Variants in IQCK observed in about 807,000 individuals in gnomAD.
The protein encoded by IQCK is IQ domain-containing protein K.
IQCK carries 29 observed loss-of-function variants against 28.1 expected under a neutral mutation model. That is an observed-to-expected ratio of 1.03 (90% CI 0.77 to 1.41). IQCK has a LOEUF of 1.41. Among genes scored for constraint, IQCK ranks in the 40% most tolerant of loss-of-function variants. The probability of loss-of-function intolerance (pLI) is 0.00; values close to 1 mark genes in which losing one functional copy is unlikely to be tolerated. For missense variants in IQCK, 359 were observed against 314.7 expected, an observed-to-expected ratio of 1.14 and a Z score of -1.07; for synonymous variants, 113 against 115.1, an observed-to-expected ratio of 0.98 and a Z score of 0.12.
intron 4 of IQCK, among the ~76,000 whole-genome samples, chr16:19,749,517 T>G (rs1316466890): frequency 2.0e-5 from 3 of 152,194 alleles, no homozygotes; most frequent in East Asian, 3.8e-4. Flanking sequence ...CTCAGGACTT[T>G]AGGAGGCTGA....
intron 6 of IQCK, among the ~76,000 whole-genome samples, chr16:19,782,899 C>T (rs903524535): frequency 7.9e-5 from 12 of 152,102 alleles, no homozygotes; most frequent in Non-Finnish European, 1.0e-4. Flanking sequence ...CATGTGTATG[C>T]GCACACATGT....
chr16:19,829,514 T>G (rs1406682949), downstream of IQCK, among the ~76,000 whole-genome samples: 1 of 151,996 alleles, frequency 6.6e-6, no homozygotes, highest in African/African-American at 2.4e-5. Flanking sequence ...TTTTCGTTTT[T>G]TTCGTAGAGA....
chr16:19,792,473 A>G (rs2055627135), intron 7 of IQCK, among the ~76,000 whole-genome samples: 1 of 111,518 alleles, frequency 9.0e-6, no homozygotes, highest in African/African-American at 8.6e-5. Flanking sequence ...ACGGATAGGA[A>G]ATTAGCTAAA....
chr16:19,805,212 G>A (rs564678618), intron 7 of IQCK, among the ~76,000 whole-genome samples: 33 of 141,312 alleles, frequency 2.3e-4, no homozygotes, highest in Non-Finnish European at 3.4e-4. Context: ...ATATGGCCCA[G>A]GTGAAGAGAG....
At chr16:19,720,244 T>C (rs560807170) in intron 1 of IQCK, among the ~76,000 whole-genome samples, 47 of 152,216 alleles carry the variant, frequency 3.1e-4, no homozygotes, top group Non-Finnish European at 6.2e-4. Context: ...TCATTTTGCA[T>C]GTTCTCTTTG....
At chr16:19,840,229 A>T (rs932876063) in intron 9 of IQCK, among the ~76,000 whole-genome samples, 3 of 151,900 alleles carry the variant, frequency 2.0e-5, no homozygotes, top group Non-Finnish European at 4.4e-5. Context: ...GGTGGCAGGC[A>T]CCTGTAATCT....
chr16:19,762,739 G>C (rs541424490), intron 4 of IQCK, among the ~76,000 whole-genome samples: 1 of 152,168 alleles, frequency 6.6e-6, no homozygotes, highest in Non-Finnish European at 1.5e-5. Context: ...CTTTGGCCGG[G>C]CACAGTGGCT....
At chr16:19,735,554 C>A in intron 4 of IQCK, 104 bp downstream of exon 4, 1 of 951,262 alleles carries the variant, frequency 1.1e-6, no homozygotes, top group Non-Finnish European at 1.7e-6. Flanking sequence ...CTCCAGATGA[C>A]CCCTTCGGGA....
At chr16:19,757,136 T>C (rs1255556978) in intron 4 of IQCK, among the ~76,000 whole-genome samples, 1 of 152,180 alleles carries the variant, frequency 6.6e-6, no homozygotes, top group African/African-American at 2.4e-5. Flanking sequence ...TTCTATTCCT[T>C]GTAAGCCCAA....
intron 6 of IQCK, among the ~76,000 whole-genome samples, chr16:19,781,366 G>A (rs1597553594): frequency 6.6e-6 from 1 of 152,140 alleles, no homozygotes. Context: ...TGATGGAGTT[G>A]GTTAAATGGG....
intron 7 of IQCK, among the ~76,000 whole-genome samples, chr16:19,809,760 C>T (rs915123378): frequency 6.6e-6 from 1 of 152,158 alleles, no homozygotes; most frequent in Non-Finnish European, 1.5e-5. Flanking sequence ...TCATAATTAT[C>T]CAGAGGGCCT....
At chr16:19,817,708 T>C (rs2056008331) in intron 7 of IQCK, among the ~76,000 whole-genome samples, 1 of 152,218 alleles carries the variant, frequency 6.6e-6, no homozygotes, top group African/African-American at 2.4e-5. Context: ...AAAGGACTTT[T>C]ATTTGCCCCT....
intron 4 of IQCK, among the ~76,000 whole-genome samples, chr16:19,753,078 C>T (rs1003273823): frequency 3.3e-5 from 5 of 152,014 alleles, no homozygotes; most frequent in African/African-American, 1.2e-4. Context: ...GAGAGAGTCT[C>T]TCCCAGAGTT....
chr16:19,836,327 C>CA (rs1300640489), intron 9 of IQCK, among the ~76,000 whole-genome samples: 1 of 152,198 alleles, frequency 6.6e-6, no homozygotes, highest in African/African-American at 2.4e-5. Flanking sequence ...TTTTAGGACT[C>CA]ACCAGTGTCT....
rs949765500 is a variant in IQCK at position 19,814,354 on chromosome 16, G to A, written c.691-12672G>A. ...CGGGAGGAAGAGGTTGCAGTGAGCC[G>A]AGATCGCACCATCGCACTCCAGCCT... On this transcript the variant is annotated intron_variant, in intron 7 of 7. Coordinates refer to ENST00000564186, the Ensembl canonical transcript of IQCK. Among the ~76,000 whole-genome samples, 5 of 151,910 alleles carry A rather than the reference G, an allele frequency of 3.3e-5. No individual in the cohort carries two copies. In the East Asian group the frequency reaches 5.8e-4, roughly 18 times the overall value.
intron 7 of IQCK, among the ~76,000 whole-genome samples, chr16:19,792,763 A>T (rs8051226): frequency 3.6e-5 from 4 of 111,618 alleles, no homozygotes; most frequent in African/African-American, 2.7e-4. Context: ...GTAGAGACGG[A>T]GGGGGGCGTT....
chr16:19,755,030 A>T (rs1226927615), intron 4 of IQCK, among the ~76,000 whole-genome samples: 1 of 152,220 alleles, frequency 6.6e-6, no homozygotes, highest in African/African-American at 2.4e-5. Flanking sequence ...AATGGAAAAA[A>T]AAATGTGAAT....
intron 6 of IQCK, among the ~76,000 whole-genome samples, chr16:19,784,341 G>A (rs2055534057): frequency 6.6e-6 from 1 of 152,028 alleles, no homozygotes; most frequent in Non-Finnish European, 1.5e-5. Context: ...ACTGTTTCCT[G>A]GGCAGTTTGC....
chr16:19,803,969 G>C (rs1365741665), intron 7 of IQCK, among the ~76,000 whole-genome samples: 1 of 152,302 alleles, frequency 6.6e-6, no homozygotes, highest in East Asian at 1.9e-4. Context: ...CAACACAGGA[G>C]ATAGTGTTCT....
Sources: allele counts gnomAD v4.1 joint callset (sites outside exome capture counted in the v4.1 genomes callset), GRCh38; gene constraint gnomAD v4.1.1; transcripts MANE v1.5; gene names NCBI Gene and HGNC (gene_info 2026-07-23, HGNC 2026-07-21).